The following TFB2M variants were observed in gnomAD, a reference collection of about 807,000 sequenced individuals.
TFB2M encodes the protein dimethyladenosine transferase 2, mitochondrial.
TFB2M carries 44 observed loss-of-function variants against 41.3 expected under a neutral mutation model. That is an observed-to-expected ratio of 1.07 (90% CI 0.84 to 1.37). TFB2M has a LOEUF of 1.37. Ranked by LOEUF, TFB2M falls within the 40% of genes most tolerant of loss-of-function variation. TFB2M has a pLI of 0.00. For missense variants in TFB2M, 496 were observed against 490.2 expected, an observed-to-expected ratio of 1.01 and a Z score of -0.11; for synonymous variants, 188 against 176.8, an observed-to-expected ratio of 1.06 and a Z score of -0.50.
intron 4 of TFB2M, among the ~76,000 whole-genome samples, chr1:246,552,187 A>C (rs887107681): frequency 2.6e-5 from 4 of 152,002 alleles, no homozygotes; most frequent in African/African-American, 9.6e-5. Flanking sequence ...AGGCAAGGGG[A>C]CTGCTTGAGT....
chr1:246,543,342 G>A (rs927283751), intron 7 of TFB2M, among the ~76,000 whole-genome samples: 27 of 152,146 alleles, frequency 1.8e-4, no homozygotes, highest in African/African-American at 6.3e-4. Flanking sequence ...AACTTACAGG[G>A]ACGTATGCAT....
intron 2 of TFB2M, 137 bp from the exon 3 acceptor site, chr1:246,557,671 T>C (rs1659361203): frequency 1.3e-6 from 1 of 770,098 alleles, no homozygotes; most frequent in African/African-American, 1.8e-5. Context: ...GTTTTTTTGT[T>C]TTGTTTTGTT....
chr1:246,548,672 T>C, intron 5 of TFB2M, 65 bp from the exon 6 acceptor site: 4 of 1,484,290 alleles, frequency 2.7e-6, no homozygotes, highest in East Asian at 2.3e-5. Flanking sequence ...GCCCCAGTTA[T>C]TACTTCCTTA....
intron 6 of TFB2M, among the ~76,000 whole-genome samples, chr1:246,548,106 C>G (rs3124129): frequency 0.62 from 93,315 of 151,526 alleles, 30,714 homozygotes; most frequent in Middle Eastern, 0.78. Flanking sequence ...GCCACCACAC[C>G]CAGCTAAGTT....
intron 3 of TFB2M, among the ~76,000 whole-genome samples, chr1:246,557,158 C>A (rs1451362978): frequency 3.9e-5 from 6 of 151,984 alleles, no homozygotes; most frequent in Admixed American, 2.0e-4. Flanking sequence ...ACTTGTAATC[C>A]CAGCTACTAG....
chr1:246,554,989 T>A (rs1030713337), intron 4 of TFB2M, among the ~76,000 whole-genome samples: 1 of 152,016 alleles, frequency 6.6e-6, no homozygotes, highest in Non-Finnish European at 1.5e-5. Flanking sequence ...TATAAAGAAC[T>A]CTTAAAACTC....
Position 246,556,589 on chromosome 1 carries a change from C to A in TFB2M, c.689G>T (p.Gly230Val). The A allele has an allele frequency of 6.6e-7, 1 of 1,515,282 alleles. No homozygotes were observed. The highest frequency in any genetic ancestry group is 1.3e-5 in the South Asian group (1 of 76,778). 93.9% of individuals were successfully genotyped at this position (1,515,282 alleles called of 1,614,324 possible). Reference sequence around the variant, plus strand: ...ATAACATACCTGGAATTCTTTTTCACCAATAAACATATTTACTTCTATTCG... The same window carrying A: ...ATAACATACCTGGAATTCTTTTTCAACAATAAACATATTTACTTCTATTCG... ...FGRIEVNMFI[G>V]EKEFQKLMAD... Residue 230 changes from glycine (G) to valine (V), a missense_variant, in exon 4 of 8, where the codon GGT (glycine) becomes GTT (valine). Physicochemically the swap from Gly to Val is moderately radical, Grantham distance 109. Transcript: ENST00000366514.
chr1:246,564,235 G>A (rs1429943559), intron 2 of TFB2M, 111 bp downstream of exon 2: 4 of 839,960 alleles, frequency 4.8e-6, no homozygotes, highest in Non-Finnish European at 7.6e-6. Flanking sequence ...TTCAGAGATG[G>A]CTCCCTAAAA....
rs1159342767 is a variant in TFB2M at position 246,566,204 on chromosome 1, G to A, written c.-66C>T. ...AGCTACTACAGTGAACCCCACGCAG[G>A]GTATCCCACGTGGAACATTTTCTGG... is the stretch of plus-strand genomic sequence containing the variant. On this transcript the variant is annotated 5_prime_UTR_variant, in exon 1 of 8. Transcript: ENST00000366514. 6 of 1,504,906 alleles carry A rather than the reference G, an allele frequency of 4.0e-6. No homozygotes were observed. Among genetic ancestry groups the A allele is most frequent in the Admixed American group, 2.0e-5 (1 of 49,030 alleles). The allele number at this position is 1,504,906 out of a possible 1,614,324, so 93.2% of individuals were successfully genotyped here. A position where few individuals can be genotyped will look rare whatever the true frequency, so the allele number is the denominator to read the frequency against.
chr1:246,550,063 T>C (rs992737823), intron 5 of TFB2M, among the ~76,000 whole-genome samples: 1 of 152,202 alleles, frequency 6.6e-6, no homozygotes, highest in Non-Finnish European at 1.5e-5. Flanking sequence ...TTTCTGGAGT[T>C]TAGTAAATGG....
intron 6 of TFB2M, among the ~76,000 whole-genome samples, chr1:246,547,006 CAAA>C (rs558327546): frequency 0.017 from 1,584 of 93,484 alleles, 24 homozygotes; most frequent in Middle Eastern, 0.096. Context: ...TTTTTTGAGA[CAAA>C]GTCTCACTCT....
intron 4 of TFB2M, among the ~76,000 whole-genome samples, chr1:246,556,295 A>C (rs1286645472): frequency 6.6e-6 from 1 of 152,172 alleles, no homozygotes; most frequent in Non-Finnish European, 1.5e-5. Flanking sequence ...AGGAAGAGGG[A>C]AACGAGAGTT....
Position 246,551,215 on chromosome 1 carries a change from T to C in TFB2M, c.793A>G (p.Met265Val), listed in dbSNP as rs376701161. The C allele has an allele frequency of 2.1e-5, 34 of 1,612,518 alleles. No homozygotes were observed. Among genetic ancestry groups the C allele is most frequent in the Non-Finnish European group, 2.7e-5 (32 of 1,178,772 alleles). Reference protein sequence around the residue: ...QLACEIKVLHMEPWSSFDIYT... With the variant: ...QLACEIKVLHVEPWSSFDIYT... ...TTAAACAGAAGGATTTTACTCACCA[T>C]GTGCAGAACCTTAATCTCACAAGCT... Residue 265 changes from methionine (M) to valine (V), a missense_variant and splice_region_variant, in exon 5 of 8, where the codon ATG becomes GTG. Physicochemically the swap from Met to Val is conservative, Grantham distance 21 (BLOSUM62 1). Coordinates refer to ENST00000366514, the MANE Select transcript of TFB2M (RefSeq NM_022366.3).
At chr1:246,555,430 G>C (rs964263443) in intron 4 of TFB2M, among the ~76,000 whole-genome samples, 5 of 152,056 alleles carry the variant, frequency 3.3e-5, no homozygotes, top group Admixed American at 6.6e-5. Context: ...GCTACAAAAA[G>C]CTGGGCCTGG....
chr1:246,566,234 C>T lies in TFB2M; in HGVS notation c.-96G>A, dbSNP rs1553366290. The T allele has an allele frequency of 1.5e-6, 2 of 1,294,484 alleles. No individual in the cohort carries two copies. Among genetic ancestry groups the T allele is most frequent in the Admixed American group, 2.5e-5 (1 of 40,656 alleles). 80.2% of individuals were successfully genotyped at this position (1,294,484 alleles called of 1,614,324 possible). A position where few individuals can be genotyped will look rare whatever the true frequency, so the allele number is the denominator to read the frequency against. On this transcript the variant is annotated 5_prime_UTR_variant, in exon 1 of 8. Coordinates refer to ENST00000366514, the MANE Select transcript of TFB2M (RefSeq NM_022366.3). ...CCCACGTGGAACATTTTCTGGCGTCCGGGCCAGGTCAAGCGGAAGTAAACA... is the reference window on the plus strand; with the variant it reads ...CCCACGTGGAACATTTTCTGGCGTCTGGGCCAGGTCAAGCGGAAGTAAACA...
At position 246,548,527 on chromosome 1, in the gene TFB2M, G is replaced by A. The variant is rs1048506572; in HGVS notation, c.858+18C>T. 6.2e-7 allele frequency: 1 copy of A among 1,605,400 alleles called. No individual in the cohort carries two copies. Among genetic ancestry groups the A allele is most frequent in the African/African-American group, 1.3e-5 (1 of 74,758 alleles). On this transcript the variant is annotated intron_variant, in intron 6 of 7. Coordinates refer to ENST00000366514, the MANE Select transcript of TFB2M (RefSeq NM_022366.3). Reference sequence around the variant, plus strand: ...GTCACGTAGGGAGAAAAAGGAAAAGGTATTATTTTATTCTTACCCTACGCT... The same window carrying A: ...GTCACGTAGGGAGAAAAAGGAAAAGATATTATTTTATTCTTACCCTACGCT...
chr1:246,562,905 G>C (rs538409013), intron 2 of TFB2M, among the ~76,000 whole-genome samples: 1 of 152,064 alleles, frequency 6.6e-6, no homozygotes, highest in Non-Finnish European at 1.5e-5. Context: ...TGATCCGCCC[G>C]CCTCTGCCTC....
intron 4 of TFB2M, among the ~76,000 whole-genome samples, chr1:246,551,568 G>A (rs1659183828): frequency 6.6e-6 from 1 of 152,106 alleles, no homozygotes; most frequent in African/African-American, 2.4e-5. Context: ...ACTCCGGCAG[G>A]GGCAACGGCA....
At chr1:246,562,800 C>G (rs1301675411) in intron 2 of TFB2M, among the ~76,000 whole-genome samples, 10 of 152,094 alleles carry the variant, frequency 6.6e-5, no homozygotes, top group Non-Finnish European at 1.3e-4. Context: ...GCTGGGACTA[C>G]AGGCATGCGC....
Sources: allele counts gnomAD v4.1 joint callset (sites outside exome capture counted in the v4.1 genomes callset), GRCh38; gene constraint gnomAD v4.1.1; transcripts MANE v1.5; gene names NCBI Gene and HGNC (gene_info 2026-07-23, HGNC 2026-07-21).